CTNNA2: variants seen among roughly 807,000 people sequenced by gnomAD.
CTNNA2 encodes catenin alpha 2, also known as catenin alpha-2.
CTNNA2 carries 42 observed loss-of-function variants against 101.0 expected under a neutral mutation model. The observed-to-expected ratio is 0.42, with a 90% CI of 0.32 to 0.54. CTNNA2 has a LOEUF of 0.54. CTNNA2 is among the 20% of genes least tolerant of loss of function. CTNNA2 has a pLI of 0.14. For synonymous variants in CTNNA2, 450 were observed against 456.4 expected (o/e 0.99, Z 0.18); for missense variants, 871 against 1,223.1 (o/e 0.71, Z 4.29).
intron 7 of CTNNA2, chr2:80,162,938 A>C (rs954169320): frequency 1.3e-6 from 2 of 1,546,196 alleles, no homozygotes; most frequent in Admixed American, 3.3e-5. Context: ...AATTTCCAAC[A>C]TGATATTGGG....
At chr2:80,348,323 G>T (rs6739985) in intron 7 of CTNNA2, among the ~76,000 whole-genome samples, 7,441 of 152,252 alleles carry the variant, frequency 0.049, 288 homozygotes, top group African/African-American at 0.1. Context: ...CCAGTCAAAA[G>T]ATTTGCTTAA....
chr2:80,159,878 G>A (rs1704207981), intron 7 of CTNNA2, among the ~76,000 whole-genome samples: 1 of 152,086 alleles, frequency 6.6e-6, no homozygotes. Context: ...TGTGTTTTTG[G>A]TGTCAAGTCT....
chr2:80,332,832 G>T (rs2149265430), intron 7 of CTNNA2, among the ~76,000 whole-genome samples: 1 of 152,202 alleles, frequency 6.6e-6, no homozygotes, highest in Middle Eastern at 3.4e-3. Flanking sequence ...GAATATACTG[G>T]TCCAGGGTTC....
At chr2:80,043,019 CTT>C (rs1424157951) in intron 7 of CTNNA2, among the ~76,000 whole-genome samples, 2 of 35,260 alleles carry the variant, frequency 5.7e-5, no homozygotes, top group African/African-American at 1.7e-4. Context: ...CTTTCTTTCC[CTT>C]TCTTTCTTTC....
At chr2:80,207,614 G>C (rs540156332) in intron 7 of CTNNA2, among the ~76,000 whole-genome samples, 3 of 152,144 alleles carry the variant, frequency 2.0e-5, no homozygotes, top group Non-Finnish European at 2.9e-5. Context: ...TGTGGGAGGT[G>C]AGCAACCCTG....
At chr2:79,844,979 T>TACACACACACACACACACACACACAC (rs59885288) in intron 3 of CTNNA2, among the ~76,000 whole-genome samples, 37 of 140,294 alleles carry the variant, frequency 2.6e-4, no homozygotes, top group East Asian at 2.4e-3. Context: ...GAAAACAAAC[T>TACACACACACACACACACACACACAC]ACACACACAC....
At chr2:79,444,212 C>T (rs577350028) in intron 4 of CTNNA2, among the ~76,000 whole-genome samples, 6 of 152,042 alleles carry the variant, frequency 3.9e-5, no homozygotes, top group Non-Finnish European at 8.8e-5. Flanking sequence ...AGATGATAAG[C>T]ATGTGCTATT....
chr2:80,558,260 A>G (rs936913367), intron 12 of CTNNA2, among the ~76,000 whole-genome samples: 6 of 152,200 alleles, frequency 3.9e-5, no homozygotes, highest in Admixed American at 3.9e-4. Context: ...AAACAGGAAT[A>G]ATGTTACTAT....
At chr2:79,801,619 G>T (rs966052622) in intron 3 of CTNNA2, among the ~76,000 whole-genome samples, 4 of 152,114 alleles carry the variant, frequency 2.6e-5, no homozygotes, top group African/African-American at 4.8e-5. Flanking sequence ...TAATTTCCTT[G>T]GTTCTTGAAT....
At chr2:80,454,134 A>G (rs1272759805) in intron 9 of CTNNA2, among the ~76,000 whole-genome samples, 1 of 152,244 alleles carries the variant, frequency 6.6e-6, no homozygotes, top group Non-Finnish European at 1.5e-5. Context: ...GCAAAGCGAC[A>G]TAGTTTACTC....
At chr2:79,869,199 C>T (rs1021797069) in intron 4 of CTNNA2, among the ~76,000 whole-genome samples, 2 of 152,352 alleles carry the variant, frequency 1.3e-5, no homozygotes, top group Middle Eastern at 3.4e-3. Flanking sequence ...TGCTTGCCAT[C>T]ATCCTCTCCA....
intron 7 of CTNNA2, among the ~76,000 whole-genome samples, chr2:80,006,841 G>A (rs1160125128): frequency 1.3e-5 from 2 of 152,046 alleles, no homozygotes; most frequent in Non-Finnish European, 2.9e-5. Flanking sequence ...TTTTCACTCT[G>A]TTCTTATTGG....
chr2:80,546,371 AAG>A (rs1692060226), intron 11 of CTNNA2, among the ~76,000 whole-genome samples: 1 of 152,098 alleles, frequency 6.6e-6, no homozygotes, highest in African/African-American at 2.4e-5. Flanking sequence ...TCATGTAAAA[AAG>A]GGCCAGGGAA....
At position 79,643,515 on chromosome 2, in the gene CTNNA2, C is replaced by G. The variant is rs74475708; in HGVS notation, c.-5-8037C>G. Among the ~76,000 whole-genome samples the G allele has an allele frequency of 8.5e-3, 1,295 of 152,272 alleles. 28 individuals carry two copies. Among genetic ancestry groups the G allele is most frequent in the African/African-American group, 0.028 (1,177 of 41,570 alleles). On this transcript the variant is annotated intron_variant, in intron 1 of 18. Coordinates refer to ENST00000402739, the MANE Select transcript of CTNNA2 (RefSeq NM_001282597.3). ...CCCGGAATTTGTGTGTTAGCATGGC[C>G]TCTAGGTGATTGTCATGGACACACA...
At chr2:80,276,061 C>T (rs1168498070) in intron 7 of CTNNA2, among the ~76,000 whole-genome samples, 1 of 152,016 alleles carries the variant, frequency 6.6e-6, no homozygotes, top group African/African-American at 2.4e-5. Flanking sequence ...AAGAAAGCTA[C>T]TCTAAGTGCA....
At chr2:80,078,544 C>T (rs1468453364) in intron 7 of CTNNA2, among the ~76,000 whole-genome samples, 1 of 152,124 alleles carries the variant, frequency 6.6e-6, no homozygotes, top group East Asian at 1.9e-4. Flanking sequence ...GCCCCGCGGG[C>T]ATCTGTATGG....
intron 7 of CTNNA2, among the ~76,000 whole-genome samples, chr2:79,992,209 T>G (rs891518280): frequency 5.9e-5 from 9 of 152,124 alleles, no homozygotes; most frequent in African/African-American, 2.2e-4. Context: ...AGAAGGATAA[T>G]TTAGAAAGAA....
intron 7 of CTNNA2, among the ~76,000 whole-genome samples, chr2:80,075,622 A>ATAAAAT (rs1344471698): frequency 1.6e-4 from 9 of 55,642 alleles, no homozygotes; most frequent in African/African-American, 6.6e-4. Context: ...GTATAAATAT[A>ATAAAAT]AATATTTATA....
At chr2:79,380,755 G>A (rs941271956) in intron 4 of CTNNA2, among the ~76,000 whole-genome samples, 3 of 152,060 alleles carry the variant, frequency 2.0e-5, no homozygotes, top group Non-Finnish European at 2.9e-5. Flanking sequence ...ATTAGAAGGT[G>A]GCTTTTAACA....
Sources: gnomAD v4.1 joint callset for allele counts (sites outside exome capture counted in the v4.1 genomes callset) on GRCh38, gnomAD v4.1.1 for gene constraint, MANE v1.5 for transcripts, NCBI Gene and HGNC (gene_info 2026-07-23, HGNC 2026-07-21) for gene names.